The following INTS8 variants were observed in gnomAD, a reference collection of about 807,000 sequenced individuals.
The protein encoded by INTS8 is integrator complex subunit 8.
In INTS8, 47 loss-of-function variants were observed where a neutral mutation model predicts 138.9. The observed-to-expected ratio is 0.34, with a 90% confidence interval of 0.27 to 0.43. The LOEUF (loss-of-function observed/expected upper bound fraction) is 0.43, where lower values mean the gene tolerates loss of function less well. Ranked by LOEUF, INTS8 falls within the 20% of genes least tolerant of loss-of-function variation. The pLI, the probability that INTS8 is intolerant of heterozygous loss-of-function variation, is 1.00. For missense variants in INTS8, 996 were observed against 1,173.0 expected (o/e 0.85, Z 2.20); for synonymous variants, 392 against 400.9 (o/e 0.98, Z 0.27).
chr8:94,832,949 C>T (rs949318828), intron 6 of INTS8, among the ~76,000 whole-genome samples: 3 of 151,950 alleles, frequency 2.0e-5, no homozygotes, highest in African/African-American at 4.8e-5. Flanking sequence ...CCACCGCGCC[C>T]GGCCGTTGTC....
chr8:94,843,971 T>C (rs1815233317), intron 10 of INTS8, among the ~76,000 whole-genome samples: 1 of 152,152 alleles, frequency 6.6e-6, no homozygotes, highest in Non-Finnish European at 1.5e-5. Context: ...ATTTTGTTTT[T>C]TGAGGTACCT....
In INTS8 at chr8:94,836,564, C is replaced by G. The variant is rs1480914442; in HGVS notation, c.794C>G (p.Ser265Cys). 1 of 1,613,990 alleles carries G rather than the reference C, an allele frequency of 6.2e-7. No individual in the cohort carries two copies. The highest frequency in any genetic ancestry group is 1.1e-5 in the South Asian group (1 of 91,058). The change falls in exon 7 of 27, where the codon TCC (serine) becomes TGC (cysteine). Residue 265 changes from serine to cysteine, a missense_variant. Ser to Cys is a moderately radical substitution (Grantham distance 112, BLOSUM62 -1). Coordinates refer to ENST00000523731, the MANE Select transcript of INTS8 (RefSeq NM_017864.4). ...DLGAAYFQQG[S>C]TNSAVYENAR... ...GGCGCAGCATACTTCCAGCAAGGCTCCACAAATTCAGCTGTCTATGAAAAT... is the reference window on the plus strand; with the variant it reads ...GGCGCAGCATACTTCCAGCAAGGCTGCACAAATTCAGCTGTCTATGAAAAT...
chr8:94,853,983 C>A, intron 14 of INTS8, 68 bp downstream of exon 14: 1 of 945,134 alleles, frequency 1.1e-6, no homozygotes, highest in East Asian at 2.5e-5. Flanking sequence ...TGGCTCATAC[C>A]TGTAATACCA....
Position 94,865,744 on chromosome 8 carries a change from A to G in INTS8, c.2261+54A>G, listed in dbSNP as rs778722442. The G allele has an allele frequency of 7.7e-6, 11 of 1,436,090 alleles. No homozygotes were observed. In the African/African-American group the frequency reaches 9.9e-5, roughly 13 times the overall value. 89.0% of individuals were successfully genotyped at this position (1,436,090 alleles called of 1,614,324 possible). On this transcript the variant is annotated intron_variant, in intron 17 of 26. Transcript: ENST00000523731. ...TGTTTGAGTTCTTAATATTTATCCT[A>G]TTTATACTATTAACCTATTAAAGGT...
chr8:94,871,477 C>CAA (rs35614739), intron 20 of INTS8, among the ~76,000 whole-genome samples: 4 of 129,174 alleles, frequency 3.1e-5, no homozygotes, highest in Non-Finnish European at 5.0e-5. Context: ...GACTCCGTCT[C>CAA]AAAAAAAAAA....
rs542512535 is a variant in INTS8 at position 94,872,166 on chromosome 8, A to G, written c.2533+164A>G. 2.0e-3 allele frequency among the ~76,000 whole-genome samples: 298 copies of G among 152,232 alleles called. 1 individual carries two copies. Among genetic ancestry groups the G allele is most frequent in the African/African-American group, 7.0e-3 (291 of 41,536 alleles). ...GTATTTGTACTTTTTTTTAGTGTAG[A>G]GCCTTTGGTTCAGATGCTTTTAACT... On this transcript the variant is annotated intron_variant, in intron 21 of 26. Transcript: ENST00000523731.
intron 26 of INTS8, among the ~76,000 whole-genome samples, chr8:94,877,684 A>G (rs922595862): frequency 6.6e-6 from 1 of 152,102 alleles, no homozygotes; most frequent in African/African-American, 2.4e-5. Context: ...CCTCACATCT[A>G]TGAGGTGTTA....
intron 23 of INTS8, among the ~76,000 whole-genome samples, chr8:94,875,701 G>T (rs1275530661): frequency 6.6e-6 from 1 of 152,068 alleles, no homozygotes; most frequent in Admixed American, 6.6e-5. Flanking sequence ...AAGCAGATTG[G>T]CAGCCTAAAT....
intron 12 of INTS8, among the ~76,000 whole-genome samples, chr8:94,850,908 C>T (rs955939097): frequency 1.3e-5 from 2 of 152,046 alleles, no homozygotes; most frequent in Non-Finnish European, 2.9e-5. Flanking sequence ...TAAACTTCAA[C>T]ATTTAATATA....
chr8:94,862,515 T>C (rs939976635), intron 16 of INTS8, among the ~76,000 whole-genome samples: 2 of 152,208 alleles, frequency 1.3e-5, no homozygotes, highest in African/African-American at 2.4e-5. Flanking sequence ...AATGAATGCT[T>C]GAGGGTCTGC....
At chr8:94,828,045 G>GTTT (rs67211071) in intron 4 of INTS8, among the ~76,000 whole-genome samples, 2 of 141,864 alleles carry the variant, frequency 1.4e-5, no homozygotes, top group Non-Finnish European at 3.1e-5. Flanking sequence ...TTTTTTTTTT[G>GTTT]TTTTTTTTTT....
chr8:94,867,328 C>T lies in INTS8; in HGVS notation c.2405C>T (p.Ser802Phe), dbSNP rs1563667989. 4 of 1,609,780 alleles carry T rather than the reference C, an allele frequency of 2.5e-6. No individual in the cohort carries two copies. Among genetic ancestry groups the T allele is most frequent in the Non-Finnish European group, 3.4e-6 (4 of 1,176,932 alleles). ...GAACACATTTCTATTTGGCCATCTT[C>T]CATTCCCAAGTAAGTAGTGGTATAG... ...TAEHISIWPSSIPNLQSVDFE... is the reference protein window; with the variant it reads ...TAEHISIWPSFIPNLQSVDFE... The change falls in exon 20 of 27, where the codon TCC becomes TTC. Residue 802 changes from serine (S) to phenylalanine (F), a missense_variant. Physicochemically the swap from Ser to Phe is radical, Grantham distance 155. Coordinates refer to ENST00000523731, the MANE Select transcript of INTS8 (RefSeq NM_017864.4).
intron 6 of INTS8, among the ~76,000 whole-genome samples, chr8:94,833,464 C>T (rs1814804082): frequency 6.6e-6 from 1 of 152,002 alleles, no homozygotes; most frequent in African/African-American, 2.4e-5. Flanking sequence ...AGGGATCCTC[C>T]CACCTTGGCC....
At chr8:94,863,631 A>C (rs1208964373) in intron 16 of INTS8, among the ~76,000 whole-genome samples, 1 of 152,242 alleles carries the variant, frequency 6.6e-6, no homozygotes, top group Non-Finnish European at 1.5e-5. Context: ...CATGATGCCC[A>C]CCACACATAG....
chr8:94,881,606 C>A lies in INTS8; in HGVS notation c.*1372C>A. ...CAGTTCTACCCAATCTTGGTGAATTCCAACTTGTTTGCTTAGTTATCTTCT... is the reference window on the plus strand; with the variant it reads ...CAGTTCTACCCAATCTTGGTGAATTACAACTTGTTTGCTTAGTTATCTTCT... On this transcript the variant is annotated 3_prime_UTR_variant, in exon 27 of 27. Coordinates refer to ENST00000523731, the MANE Select transcript of INTS8 (RefSeq NM_017864.4). 1.2e-6 allele frequency: 2 copies of A among 1,609,704 alleles called. No homozygotes were observed. The highest frequency in any genetic ancestry group is 1.7e-6 in the Non-Finnish European group (2 of 1,178,490).
At chr8:94,861,387 G>C (rs1001728322) in intron 16 of INTS8, among the ~76,000 whole-genome samples, 3 of 146,266 alleles carry the variant, frequency 2.1e-5, no homozygotes, top group African/African-American at 7.6e-5. Flanking sequence ...TCAGCCTCCC[G>C]AGTAGCTGGG....
At chr8:94,837,537 A>C (rs942670266) in intron 7 of INTS8, among the ~76,000 whole-genome samples, 5 of 152,146 alleles carry the variant, frequency 3.3e-5, no homozygotes, top group Non-Finnish European at 7.3e-5. Flanking sequence ...ATAGTAATTT[A>C]AAACAAATAT....
chr8:94,861,256 A>ATTTTTTTTTTTTTTTTTTTTT lies in INTS8; in HGVS notation c.2076+1627_2076+1647dup, dbSNP rs1210530804. The stretch of plus-strand genomic sequence containing the variant: ...CTTCAGTTTTTCCCCCCTTTTTGTA[A>ATTTTTTTTTTTTTTTTTTTTT]TTTTTTTTTTTTTTTTTTTTTTTGA... On this transcript the variant is annotated intron_variant, in intron 16 of 26. Transcript: ENST00000523731. Among the ~76,000 whole-genome samples, 14 of 57,388 alleles carry ATTTTTTTTTTTTTTTTTTTTT rather than the reference A, an allele frequency of 2.4e-4. 2 individuals are homozygous for ATTTTTTTTTTTTTTTTTTTTT. Among genetic ancestry groups the ATTTTTTTTTTTTTTTTTTTTT allele is most frequent in the African/African-American group, 2.9e-4 (4 of 13,646 alleles). 37.6% of individuals were successfully genotyped at this position (57,388 alleles called of 152,430 possible).
chr8:94,840,053 G>A (rs75309950), intron 8 of INTS8, among the ~76,000 whole-genome samples: 7,298 of 152,254 alleles, frequency 0.048, 233 homozygotes, highest in Middle Eastern at 0.065. Context: ...TAGCTAAGAC[G>A]GGGAAAATAG....
Sources: allele counts gnomAD v4.1 joint callset (sites outside exome capture counted in the v4.1 genomes callset), GRCh38; gene constraint gnomAD v4.1.1; transcripts MANE v1.5; gene names NCBI Gene and HGNC (gene_info 2026-07-23, HGNC 2026-07-21).